FHOD3: variants seen among roughly 807,000 people sequenced by gnomAD.
FHOD3 encodes formin homology 2 domain containing 3, also known as FH1/FH2 domain-containing protein 3.
A neutral mutation model predicts 173.0 loss-of-function variants in FHOD3; 90 were observed. The ratio of observed to expected loss-of-function variants is 0.52; its 90% CI spans 0.44 to 0.62. The LOEUF is 0.62. Among genes scored for constraint, FHOD3 ranks in the 20% least tolerant of loss-of-function variants. The probability of loss-of-function intolerance (pLI) is 0.00; values close to 1 mark genes in which losing one functional copy is unlikely to be tolerated. For synonymous variants in FHOD3, 828 were observed against 823.0 expected, an observed-to-expected ratio of 1.01 and a Z score of -0.10; for missense variants, 1,945 against 2,034.7, an observed-to-expected ratio of 0.96 and a Z score of 0.85.
At chr18:36,318,489 T>C (rs1485742704) in intron 1 of FHOD3, among the ~76,000 whole-genome samples, 1 of 152,238 alleles carries the variant, frequency 6.6e-6, no homozygotes, top group Non-Finnish European at 1.5e-5. Flanking sequence ...TTTGTAGTAA[T>C]TGTGAATGGG....
intron 1 of FHOD3, among the ~76,000 whole-genome samples, chr18:36,311,349 T>C (rs2092253039): frequency 6.6e-6 from 1 of 152,120 alleles, no homozygotes; most frequent in Non-Finnish European, 1.5e-5. Context: ...CTTTCACAGA[T>C]GTTCTTGGGT....
chr18:36,459,443 G>A (rs2052422071), intron 3 of FHOD3, among the ~76,000 whole-genome samples: 1 of 152,194 alleles, frequency 6.6e-6, no homozygotes, highest in Non-Finnish European at 1.5e-5. Flanking sequence ...CGCTGGCTGG[G>A]CTGCCTTAGG....
intron 3 of FHOD3, among the ~76,000 whole-genome samples, chr18:36,421,590 A>G (rs1427583796): frequency 6.6e-6 from 1 of 152,244 alleles, no homozygotes; most frequent in Admixed American, 6.5e-5. Flanking sequence ...TCATAGCGGT[A>G]AAGGTGACAT....
chr18:36,649,525 A>G (rs1300583476), intron 11 of FHOD3, 120 bp downstream of exon 11: 2 of 656,872 alleles, frequency 3.0e-6, no homozygotes, highest in South Asian at 2.2e-5. Flanking sequence ...GCAAACTCTT[A>G]CTTACCCTGT....
At chr18:36,476,922 A>G (rs1464773572) in intron 3 of FHOD3, among the ~76,000 whole-genome samples, 1 of 152,238 alleles carries the variant, frequency 6.6e-6, no homozygotes, top group Non-Finnish European at 1.5e-5. Context: ...ATCTTGTCAG[A>G]AAAGTACTAA....
At chr18:36,702,688 T>C (rs899534468) in intron 17 of FHOD3, among the ~76,000 whole-genome samples, 5 of 152,216 alleles carry the variant, frequency 3.3e-5, no homozygotes, top group African/African-American at 7.2e-5. Flanking sequence ...TTCAGAACTT[T>C]CTACCACCAA....
chr18:36,492,582 A>G (rs779193996), intron 3 of FHOD3, among the ~76,000 whole-genome samples: 2 of 152,134 alleles, frequency 1.3e-5, no homozygotes, highest in Non-Finnish European at 2.9e-5. Context: ...TAGATAACCA[A>G]TCATTAAGAT....
intron 1 of FHOD3, among the ~76,000 whole-genome samples, chr18:36,328,841 G>T (rs1360939442): frequency 6.6e-6 from 1 of 152,208 alleles, no homozygotes; most frequent in Admixed American, 6.5e-5. Context: ...GACTGTGGGA[G>T]AGCAGGTTTA....
At chr18:36,501,876 T>G in intron 3 of FHOD3, 56 bp from the exon 4 acceptor site, 3 of 1,246,984 alleles carry the variant, frequency 2.4e-6, no homozygotes, top group Non-Finnish European at 3.4e-6. Context: ...CTGTCTGTGT[T>G]TTCACTGTCA....
At position 36,517,818 on chromosome 18, in the gene FHOD3, A is replaced by T. The variant is rs563509612; in HGVS notation, c.511+5275A>T. 3.3e-5 allele frequency among the ~76,000 whole-genome samples: 5 copies of T among 152,324 alleles called. No homozygotes were observed. In the South Asian group the frequency reaches 8.3e-4, roughly 25 times the overall value. On this transcript the variant is annotated intron_variant, in intron 5 of 28. Transcript: ENST00000590592. ...AAATTGGGAGATTTGATATTTTTTT[A>T]AAAATGCAGATTTCAGGCTTCTTTG...
At chr18:36,667,211 A>G (rs2037238909) in intron 14 of FHOD3, among the ~76,000 whole-genome samples, 1 of 152,142 alleles carries the variant, frequency 6.6e-6, no homozygotes, top group Non-Finnish European at 1.5e-5. Flanking sequence ...CTCTTGGGTA[A>G]ATATAGTCAT....
intron 3 of FHOD3, among the ~76,000 whole-genome samples, chr18:36,475,885 C>CAGCT (rs1410585771): frequency 6.6e-6 from 1 of 151,628 alleles, no homozygotes; most frequent in Non-Finnish European, 1.5e-5. Flanking sequence ...TAATCAAGAA[C>CAGCT]AGCTACACAT....
chr18:36,493,206 T>C (rs891571217), intron 3 of FHOD3, among the ~76,000 whole-genome samples: 3 of 123,148 alleles, frequency 2.4e-5, no homozygotes, highest in African/African-American at 6.2e-5. Flanking sequence ...CTTTTTCTTT[T>C]CTTTTTCTTT....
chr18:36,768,254 A>G lies in FHOD3; in HGVS notation c.4625-1011A>G, dbSNP rs2043226442. Among the ~76,000 whole-genome samples, 3 of 152,246 alleles carry G rather than the reference A, an allele frequency of 2.0e-5. No individual in the cohort carries two copies. The South Asian group carries it at 6.2e-4, about 31-fold the overall frequency. ...TAGAAGAGATTTCACAAGAAAGCTG[A>G]TCAATTACAAAGATGTAGTTCTGGA... On this transcript the variant is annotated intron_variant, in intron 27 of 28. Coordinates refer to ENST00000590592, the MANE Select transcript of FHOD3 (RefSeq NM_001281740.3).
chr18:36,309,725 T>A (rs1431410087), intron 1 of FHOD3, among the ~76,000 whole-genome samples: 1 of 152,218 alleles, frequency 6.6e-6, no homozygotes, highest in East Asian at 1.9e-4. Flanking sequence ...AAAGGAGAGC[T>A]GTTGGGCAGT....
chr18:36,396,054 A>G (rs2146570586), intron 3 of FHOD3, among the ~76,000 whole-genome samples: 1 of 152,328 alleles, frequency 6.6e-6, no homozygotes, highest in Non-Finnish European at 1.5e-5. Flanking sequence ...CATGTATAAT[A>G]TCCTTGGCCA....
At position 36,740,751 on chromosome 18, in the gene FHOD3, G is replaced by C. The variant is rs142640038; in HGVS notation, c.3672G>C (p.Gln1224His). Residue 1224 changes from glutamine to histidine, a missense_variant, in exon 21 of 29, where the codon CAG (glutamine) becomes CAC (histidine). Around this residue, in one of 5 missense-constraint regions of FHOD3, gnomAD observed 231 missense variants for 321.9 expected, o/e 0.72. Coordinates refer to ENST00000590592, the MANE Select transcript of FHOD3 (RefSeq NM_001281740.3). ...NPEIPLGSAE[Q>H]FLLTLSSISE... Reference sequence around the variant, plus strand: ...AAATCCCCCTGGGCAGTGCAGAGCAGTTCCTCCTCACCCTGTCCTCCATCA... The same window carrying C: ...AAATCCCCCTGGGCAGTGCAGAGCACTTCCTCCTCACCCTGTCCTCCATCA... 6.2e-7 allele frequency: 1 copy of C among 1,613,972 alleles called. No homozygotes were observed. The highest frequency in any genetic ancestry group is 1.3e-5 in the African/African-American group (1 of 74,902).
chr18:36,414,022 G>A (rs1397142777), intron 3 of FHOD3, among the ~76,000 whole-genome samples: 6 of 152,036 alleles, frequency 3.9e-5, no homozygotes, highest in Non-Finnish European at 7.4e-5. Flanking sequence ...TGGGCTTATA[G>A]AAGCAAGGTT....
chr18:36,671,214 C>A lies in FHOD3; in HGVS notation c.1836-10222C>A, dbSNP rs2037513504. ...CCCTGCCAGTGTTATCCCCATTGGC[C>A]TCTCTAGACTCCCAGCTTTGTCTCC... On this transcript the variant is annotated intron_variant, in intron 14 of 28. Coordinates refer to ENST00000590592, the MANE Select transcript of FHOD3 (RefSeq NM_001281740.3). 2.0e-5 allele frequency among the ~76,000 whole-genome samples: 3 copies of A among 152,258 alleles called. No individual in the cohort carries two copies. In the South Asian group the frequency reaches 6.2e-4, roughly 31 times the overall value.
Sources: allele counts gnomAD v4.1 joint callset (sites outside exome capture counted in the v4.1 genomes callset), GRCh38; gene constraint gnomAD v4.1.1; regional missense constraint gnomAD v4.1.1; transcripts MANE v1.5; gene names NCBI Gene and HGNC (gene_info 2026-07-23, HGNC 2026-07-21).